CD44: variants seen among roughly 807,000 people sequenced by gnomAD.
The protein encoded by CD44 is CD44 antigen.
Under a neutral mutation model 88.8 loss-of-function variants are expected in CD44, and 49 were observed. The observed-to-expected ratio is 0.55, with a 90% CI of 0.44 to 0.70. The LOEUF (loss-of-function observed/expected upper bound fraction) is 0.70. CD44 is among the 30% of genes least tolerant of loss of function. CD44 has a pLI of 0.00. For synonymous variants in CD44, 325 were observed against 312.3 expected, an observed-to-expected ratio of 1.04 and a Z score of -0.43; for missense variants, 883 against 913.8, an observed-to-expected ratio of 0.97 and a Z score of 0.43.
At chr11:35,186,054 GAAA>G (rs11478829) in intron 3 of CD44, among the ~76,000 whole-genome samples, 1 of 150,024 alleles carries the variant, frequency 6.7e-6, no homozygotes, top group Non-Finnish European at 1.5e-5. Flanking sequence ...GAGAACAAGA[GAAA>G]AAAAAAACCA....
intron 4 of CD44, among the ~76,000 whole-genome samples, chr11:35,189,182 T>A (rs1275014193): frequency 2.0e-5 from 3 of 152,226 alleles, no homozygotes; most frequent in Non-Finnish European, 4.4e-5. Flanking sequence ...CATGTATATC[T>A]GTGCTTGTTA....
intron 1 of CD44, among the ~76,000 whole-genome samples, chr11:35,161,390 C>T (rs971816338): frequency 6.6e-6 from 1 of 152,108 alleles, no homozygotes; most frequent in African/African-American, 2.4e-5. Context: ...TGGATCTTTC[C>T]GATCCAAGCC....
intron 1 of CD44, among the ~76,000 whole-genome samples, chr11:35,150,477 A>T (rs1338906064): frequency 6.6e-6 from 1 of 152,196 alleles, no homozygotes; most frequent in South Asian, 2.1e-4. Flanking sequence ...AAAAATGGAA[A>T]TCATAAAGAT....
In CD44 at chr11:35,221,190, G is replaced by A. The variant is rs183675204; in HGVS notation, c.1946-464G>A. ...ATATTTCCTCCTCATATTGTAGTGC[G>A]TAATGCAATAGATGTACCCTAATTT... On this transcript the variant is annotated intron_variant, in intron 16 of 17. Coordinates refer to ENST00000428726, the MANE Select transcript of CD44 (RefSeq NM_000610.4). Among the ~76,000 whole-genome samples the A allele has an allele frequency of 1.6e-3, 247 of 152,202 alleles. 2 individuals are homozygous for A. Among genetic ancestry groups the A allele is most frequent in the Middle Eastern group, 6.8e-3 (2 of 294 alleles).
intron 1 of CD44, among the ~76,000 whole-genome samples, chr11:35,162,681 G>A (rs1359204008): frequency 6.6e-6 from 1 of 152,128 alleles, no homozygotes; most frequent in African/African-American, 2.4e-5. Context: ...AGGGCAGTTG[G>A]AACTGTAGTA....
At chr11:35,202,527 AG>A (rs1947414340) in intron 9 of CD44, among the ~76,000 whole-genome samples, 1 of 152,204 alleles carries the variant, frequency 6.6e-6, no homozygotes, top group African/African-American at 2.4e-5. Context: ...TTGGAATAAA[AG>A]TATTTATTTT....
At chr11:35,177,006 C>A in intron 2 of CD44, 1 of 389,124 alleles carries the variant, frequency 2.6e-6, no homozygotes, top group Non-Finnish European at 4.6e-6. Flanking sequence ...GTCTAACCTG[C>A]TTCCACAGAG....
At chr11:35,140,198 A>G (rs1436428333) in intron 1 of CD44, among the ~76,000 whole-genome samples, 1 of 152,224 alleles carries the variant, frequency 6.6e-6, no homozygotes, top group Non-Finnish European at 1.5e-5. Flanking sequence ...CCCTGGAGCT[A>G]GGGCTCCAAT....
chr11:35,197,877 C>T, intron 6 of CD44: 2 of 447,224 alleles, frequency 4.5e-6, no homozygotes, highest in South Asian at 4.9e-5. Context: ...AGATTATGTC[C>T]ACACTTATTC....
rs1357645251 is a variant in CD44, at chr11:35,177,611, C to G, written c.233+871C>G. On this transcript the variant is annotated intron_variant, in intron 2 of 17. Transcript: ENST00000428726. ...CACACACTCACATGCACACAGACTG[C>G]TTTTGAAAAGTCAAGCTGCAGAACT... Among the ~76,000 whole-genome samples the G allele has an allele frequency of 6.6e-5, 10 of 152,354 alleles. 1 individual carries two copies. The South Asian group carries it at 2.1e-3, about 32-fold the overall frequency.
At chr11:35,172,176 C>A (rs922303714) in intron 1 of CD44, among the ~76,000 whole-genome samples, 13 of 152,208 alleles carry the variant, frequency 8.5e-5, no homozygotes, top group Non-Finnish European at 1.6e-4. Context: ...GACTTGTCCA[C>A]TTTTGCTTTG....
intron 1 of CD44, among the ~76,000 whole-genome samples, chr11:35,173,581 A>G (rs756449567): frequency 3.9e-5 from 6 of 152,252 alleles, no homozygotes; most frequent in Non-Finnish European, 7.3e-5. Context: ...TGCAAACAAA[A>G]GAAAATAAAA....
Position 35,214,860 on chromosome 11 carries a change from G to A in CD44, c.1819G>A (p.Asp607Asn), listed in dbSNP as rs1250789154. Residue 607 changes from aspartate (D) to asparagine (N), a missense_variant, in exon 15 of 18, where the codon GAC (aspartate) becomes AAC (asparagine). Coordinates refer to ENST00000428726, the MANE Select transcript of CD44 (RefSeq NM_000610.4). The part of the protein sequence containing the change: ...NVNRSLSGDQ[D>N]TFHPSGGSHT... ...CTGATTGCTCATTACAGGAGACCAAGACACATTCCACCCCAGTGGGGGGTC... is the reference window on the plus strand; with the variant it reads ...CTGATTGCTCATTACAGGAGACCAAAACACATTCCACCCCAGTGGGGGGTC... 4 of 1,553,240 alleles carry A rather than the reference G, an allele frequency of 2.6e-6. No individual in the cohort carries two copies. Among genetic ancestry groups the A allele is most frequent in the Middle Eastern group, 3.4e-4 (2 of 5,892 alleles).
At chr11:35,186,991 G>A (rs919964631) in intron 4 of CD44, 91 bp downstream of exon 4, 3 of 812,312 alleles carry the variant, frequency 3.7e-6, no homozygotes, top group Non-Finnish European at 6.5e-6. Context: ...TAGAATATTA[G>A]GCCAGGTGTG....
intron 17 of CD44, 33 bp downstream of exon 17, chr11:35,221,765 A>G: frequency 6.4e-7 from 1 of 1,568,112 alleles, no homozygotes. Flanking sequence ...TTCAACTTGG[A>G]AAGGGCATCA....
Position 35,189,948 on chromosome 11 carries a change from A to G in CD44, c.550A>G (p.Ser184Gly). The G allele has an allele frequency of 6.2e-7, 1 of 1,613,878 alleles. No homozygotes were observed. The highest frequency in any genetic ancestry group is 1.1e-5 in the South Asian group (1 of 91,076). ...TDDDVSSGSSSERSSTSGGYI... is the reference protein window; with the variant it reads ...TDDDVSSGSSGERSSTSGGYI... ...TGATGACGTGAGCAGCGGCTCCTCC[A>G]GTGAAAGGAGCAGCACTTCAGGAGG... Residue 184 changes from serine to glycine, a missense_variant, in exon 5 of 18, where the codon AGT (serine) becomes GGT (glycine). By Grantham distance (56) the Ser-to-Gly change is moderately conservative (BLOSUM62 0). This residue lies in a region of CD44 where 252 missense variants were observed against 322.9 expected (regional missense o/e 0.78). Transcript: ENST00000428726.
rs1417432127 is a variant in CD44 at position 35,189,850 on chromosome 11, A to T, written c.452A>T (p.Asp151Val). 1.2e-6 allele frequency: 2 copies of T among 1,613,478 alleles called. No individual in the cohort carries two copies. Among genetic ancestry groups the T allele is most frequent in the Non-Finnish European group, 1.7e-6 (2 of 1,179,564 alleles). Reference protein sequence around the residue: ...GPITITIVNRDGTRYVQKGEY... With the variant: ...GPITITIVNRVGTRYVQKGEY... ...TCTCTCCCAGCTATTGTTAACCGTG[A>T]TGGCACCCGCTATGTCCAGAAAGGA... Residue 151 changes from aspartate (D) to valine (V), a missense_variant, in exon 5 of 18, where the codon GAT (aspartate) becomes GTT (valine). By Grantham distance (152) the Asp-to-Val change is radical. Coordinates refer to ENST00000428726, the MANE Select transcript of CD44 (RefSeq NM_000610.4).
Position 35,211,398 on chromosome 11 carries a change from A to G in CD44, c.1759A>G (p.Thr587Ala). Residue 587 changes from threonine (T) to alanine (A), a missense_variant, in exon 14 of 18, where the codon ACT becomes GCT. This residue lies in a region of CD44 where 631 missense variants were observed against 590.9 expected (regional missense o/e 1.07). Transcript: ENST00000428726. ...TSAKTGSFGV[T>A]AVTVGDSNSN... is the part of the protein sequence containing the mutation. ...AGCTAAGACTGGGTCCTTTGGAGTT[A>G]CTGCAGTTACTGTTGGAGATTCCAA... The G allele has an allele frequency of 6.2e-7, 1 of 1,613,804 alleles. No individual in the cohort carries two copies. The highest frequency in any genetic ancestry group is 8.5e-7 in the Non-Finnish European group (1 of 1,179,728).
intron 10 of CD44, 72 bp downstream of exon 10, chr11:35,204,712 T>A: frequency 7.2e-7 from 1 of 1,393,554 alleles, no homozygotes; most frequent in Non-Finnish European, 1.0e-6. Context: ...ATTGAGGACA[T>A]TGAACAAAAG....
Sources: allele counts gnomAD v4.1 joint callset (sites outside exome capture counted in the v4.1 genomes callset), GRCh38; gene constraint gnomAD v4.1.1; regional missense constraint gnomAD v4.1.1; transcripts MANE v1.5; gene names NCBI Gene and HGNC (gene_info 2026-07-23, HGNC 2026-07-21).